Variants in OXR1 observed in about 807,000 individuals in gnomAD.
OXR1 encodes the protein oxidation resistance protein 1.
Under a neutral mutation model 104.6 loss-of-function variants are expected in OXR1, and 41 were observed. That is an observed-to-expected ratio of 0.39 (90% confidence interval 0.31 to 0.51). The LOEUF is 0.51. OXR1 is among the 20% of genes least tolerant of loss of function. The pLI is 0.77. For missense variants in OXR1, 955 were observed against 1,031.9 expected (o/e 0.93, Z 1.02); for synonymous variants, 348 against 348.4 (o/e 1.00, Z 0.01).
At chr8:106,466,433 A>G (rs1821173498) in intron 2 of OXR1, among the ~76,000 whole-genome samples, 1 of 151,868 alleles carries the variant, frequency 6.6e-6, no homozygotes, top group Non-Finnish European at 1.5e-5. Context: ...ACATTAAACT[A>G]GTGTAGTTTG....
chr8:106,487,424 T>A (rs1186790073), intron 2 of OXR1, among the ~76,000 whole-genome samples: 43 of 148,686 alleles, frequency 2.9e-4, no homozygotes, highest in Non-Finnish European at 4.9e-4. Flanking sequence ...CATGTGATAT[T>A]TTGTTTTTTT....
At chr8:106,345,094 T>C (rs977426838) in intron 1 of OXR1, among the ~76,000 whole-genome samples, 3 of 152,266 alleles carry the variant, frequency 2.0e-5, no homozygotes, top group South Asian at 2.1e-4. Context: ...GCTTCTCTTA[T>C]GCTGCAAGAT....
rs1403321117 is a variant in OXR1, at chr8:106,750,983, G to C, written c.*42G>C. The C allele has an allele frequency of 6.6e-7, 1 of 1,506,902 alleles. No individual in the cohort carries two copies. Among genetic ancestry groups the C allele is most frequent in the African/African-American group, 1.4e-5 (1 of 71,092 alleles). The allele number at this position is 1,506,902 out of a possible 1,614,324, so 93.3% of individuals were successfully genotyped here. A position where few individuals can be genotyped will look rare whatever the true frequency, so the allele number is the denominator to read the frequency against. On this transcript the variant is annotated 3_prime_UTR_variant, in exon 17 of 17. Transcript: ENST00000517566. ...CTTAGCAGGAGAATGGCCCAAACCT[G>C]ACATGGACAAGCATTGTTTGGAAAG...
chr8:106,290,574 CT>C (rs1196593468), intron 1 of OXR1, among the ~76,000 whole-genome samples: 1 of 152,026 alleles, frequency 6.6e-6, no homozygotes, highest in Admixed American at 6.6e-5. Flanking sequence ...TGTCCAAAGT[CT>C]ATAAGGAACT....
intron 1 of OXR1, among the ~76,000 whole-genome samples, chr8:106,303,254 T>C (rs867453430): frequency 0.14 from 17,816 of 123,576 alleles, 904 homozygotes; most frequent in African/African-American, 0.31. Context: ...CTTTCTTTTT[T>C]TTTTTTTTTT....
intron 2 of OXR1, among the ~76,000 whole-genome samples, chr8:106,462,858 A>G (rs1218605614): frequency 6.6e-6 from 1 of 152,136 alleles, no homozygotes; most frequent in African/African-American, 2.4e-5. Context: ...AGTGGGGACA[A>G]TATAGATAAG....
intron 16 of OXR1, among the ~76,000 whole-genome samples, chr8:106,746,479 A>T (rs1055648983): frequency 1.3e-5 from 2 of 151,802 alleles, no homozygotes; most frequent in African/African-American, 4.8e-5. Context: ...GCAAGCAACA[A>T]CTCCTTCCTT....
intron 3 of OXR1, among the ~76,000 whole-genome samples, chr8:106,550,235 G>A (rs1286477429): frequency 3.9e-5 from 6 of 152,192 alleles, no homozygotes; most frequent in Admixed American, 3.9e-4. Context: ...TGTCTCTGAG[G>A]ATTCCAATGG....
intron 2 of OXR1, among the ~76,000 whole-genome samples, chr8:106,421,484 G>A (rs1009097774): frequency 5.9e-5 from 9 of 152,106 alleles, no homozygotes; most frequent in Non-Finnish European, 1.2e-4. Context: ...AGGGTGGAGA[G>A]GCAGTTTTGC....
At chr8:106,665,817 T>G (rs1826249853) in intron 3 of OXR1, among the ~76,000 whole-genome samples, 1 of 152,118 alleles carries the variant, frequency 6.6e-6, no homozygotes. Context: ...GGACAAAAAT[T>G]GGCTTTTATT....
chr8:106,448,183 A>T, intron 2 of OXR1: 1 of 1,093,026 alleles, frequency 9.1e-7, no homozygotes, highest in Non-Finnish European at 1.3e-6. Flanking sequence ...ATGGGACCAA[A>T]CAGATGGATT....
intron 2 of OXR1, among the ~76,000 whole-genome samples, chr8:106,374,771 G>A (rs879572021): frequency 2.0e-5 from 3 of 152,174 alleles, no homozygotes; most frequent in Non-Finnish European, 4.4e-5. Context: ...TAAACAGCCA[G>A]ATTCACCAGG....
chr8:106,716,064 T>A (rs776957), intron 11 of OXR1, among the ~76,000 whole-genome samples: 1 of 152,192 alleles, frequency 6.6e-6, no homozygotes, highest in African/African-American at 2.4e-5. Flanking sequence ...AAACCGATAC[T>A]TGGTTCCATT....
intron 2 of OXR1, among the ~76,000 whole-genome samples, chr8:106,459,013 G>C (rs1287950623): frequency 6.6e-6 from 1 of 152,074 alleles, no homozygotes; most frequent in South Asian, 2.1e-4. Context: ...TTGGGCTTTT[G>C]AGTTGATGCT....
rs181092535 is a variant in OXR1 at position 106,589,403 on chromosome 8, T to C, written c.220+70264T>C. On this transcript the variant is annotated intron_variant, in intron 3 of 16. Transcript: ENST00000517566. ...ATTTATTTTTATGCCTTTCTTCCTA[T>C]GTGTATTTCAAGTCTTTTTCAAAAC... Among the ~76,000 whole-genome samples the C allele has an allele frequency of 3.3e-3, 507 of 151,768 alleles. 2 individuals are homozygous for C. Among genetic ancestry groups the C allele is most frequent in the South Asian group, 6.5e-3 (31 of 4,768 alleles).
chr8:106,714,370 G>T (rs1056459821), intron 11 of OXR1, among the ~76,000 whole-genome samples: 5 of 151,982 alleles, frequency 3.3e-5, no homozygotes, highest in African/African-American at 1.2e-4. Flanking sequence ...CTCCATGGAG[G>T]AGGTACGGCA....
intron 3 of OXR1, among the ~76,000 whole-genome samples, chr8:106,540,579 T>C (rs1814875562): frequency 6.6e-6 from 1 of 152,208 alleles, no homozygotes; most frequent in Non-Finnish European, 1.5e-5. Flanking sequence ...TCAATTAGCA[T>C]TATAAAAGAG....
At chr8:106,546,842 C>A (rs1283116602) in intron 3 of OXR1, among the ~76,000 whole-genome samples, 1 of 152,108 alleles carries the variant, frequency 6.6e-6, no homozygotes, top group Admixed American at 6.5e-5. Context: ...ATTGGGGTTC[C>A]AAGTTTTTAT....
In OXR1 at chr8:106,611,291, G is replaced by A. The variant is rs191852649; in HGVS notation, c.221-67919G>A. Among the ~76,000 whole-genome samples, 283 of 152,292 alleles carry A rather than the reference G, an allele frequency of 1.9e-3. 1 individual carries two copies. The highest frequency in any genetic ancestry group is 6.6e-3 in the African/African-American group (274 of 41,562). ...TAGGAGCATGCTTGGTGCATTCAAGGACCAGAAAAGAGGCCTGTCTGTGTT... is the reference window on the plus strand; with the variant it reads ...TAGGAGCATGCTTGGTGCATTCAAGAACCAGAAAAGAGGCCTGTCTGTGTT... On this transcript the variant is annotated intron_variant, in intron 3 of 16. Coordinates refer to ENST00000517566, the MANE Select transcript of OXR1 (RefSeq NM_001198533.2).
Sources: allele counts gnomAD v4.1 joint callset (sites outside exome capture counted in the v4.1 genomes callset), GRCh38; gene constraint gnomAD v4.1.1; transcripts MANE v1.5; gene names NCBI Gene and HGNC (gene_info 2026-07-23, HGNC 2026-07-21).